The following SLC4A4 variants were observed in gnomAD, a reference collection of about 807,000 sequenced individuals.
SLC4A4 encodes solute carrier family 4 member 4.
A neutral mutation model predicts 111.5 loss-of-function variants in SLC4A4; 27 were observed. The ratio of observed to expected loss-of-function variants is 0.24; its 90% CI spans 0.18 to 0.33. The LOEUF is 0.33. SLC4A4 is among the 10% of genes least tolerant of loss of function. The pLI, the probability that SLC4A4 is intolerant of heterozygous loss-of-function variation, is 1.00. For missense variants in SLC4A4, 909 were observed against 1,315.5 expected (o/e 0.69, Z 4.78); for synonymous variants, 443 against 463.4 (o/e 0.96, Z 0.57).
chr4:71,397,480 T>A, intron 6 of SLC4A4, 97 bp from the exon 7 acceptor site: 1 of 1,076,798 alleles, frequency 9.3e-7, no homozygotes. Flanking sequence ...TCATCACCAT[T>A]TCCATCATCA....
At chr4:71,521,897 T>TA (rs1260129013) in intron 16 of SLC4A4, among the ~76,000 whole-genome samples, 2 of 152,176 alleles carry the variant, frequency 1.3e-5, no homozygotes, top group South Asian at 2.1e-4. Flanking sequence ...CCTTTACACT[T>TA]ACACTTCGAT....
chr4:71,064,627 T>C (rs1741468610), intron 1 of SLC4A4, among the ~76,000 whole-genome samples: 1 of 152,308 alleles, frequency 6.6e-6, no homozygotes, highest in East Asian at 1.9e-4. Context: ...GTAAGAAATA[T>C]GTCAGGACCT....
At chr4:71,145,943 T>C (rs1200009926) in intron 2 of SLC4A4, among the ~76,000 whole-genome samples, 4 of 152,266 alleles carry the variant, frequency 2.6e-5, no homozygotes, top group Middle Eastern at 3.4e-3. Context: ...GTGTCTCTAT[T>C]TCCTTCAGTT....
At chr4:71,144,035 G>A (rs1368682186) in intron 2 of SLC4A4, among the ~76,000 whole-genome samples, 1 of 152,174 alleles carries the variant, frequency 6.6e-6, no homozygotes, top group Non-Finnish European at 1.5e-5. Flanking sequence ...CCTATGTCCT[G>A]AATGGTATTG....
At chr4:71,117,189 G>A (rs1047945544) in intron 2 of SLC4A4, among the ~76,000 whole-genome samples, 57 of 152,006 alleles carry the variant, frequency 3.7e-4, no homozygotes, top group African/African-American at 1.3e-3. Flanking sequence ...GCTATGTTGT[G>A]CAGGCGGATC....
intron 16 of SLC4A4, among the ~76,000 whole-genome samples, chr4:71,522,786 CA>C (rs1385720329): frequency 6.6e-6 from 1 of 152,042 alleles, no homozygotes; most frequent in Non-Finnish European, 1.5e-5. Context: ...CACTAAATTC[CA>C]GGTAACATCA....
At chr4:71,365,317 C>T (rs897710572) in intron 6 of SLC4A4, among the ~76,000 whole-genome samples, 3 of 152,152 alleles carry the variant, frequency 2.0e-5, no homozygotes, top group African/African-American at 7.2e-5. Flanking sequence ...AGTAAATCTT[C>T]TTCCAAGGCT....
chr4:71,376,770 G>A (rs1732444579), intron 6 of SLC4A4, among the ~76,000 whole-genome samples: 1 of 151,970 alleles, frequency 6.6e-6, no homozygotes, highest in Admixed American at 6.6e-5. Context: ...CCAAGTAGCT[G>A]GGACTACATA....
intron 1 of SLC4A4, 114 bp from the exon 2 acceptor site, chr4:71,236,462 C>T: frequency 1.1e-6 from 1 of 939,258 alleles, no homozygotes; most frequent in South Asian, 1.4e-5. Context: ...AGTGACTCTG[C>T]CCTGCTAACA....
intron 1 of SLC4A4, among the ~76,000 whole-genome samples, chr4:71,089,103 C>T (rs1158216793): frequency 1.3e-5 from 2 of 152,068 alleles, no homozygotes; most frequent in African/African-American, 2.4e-5. Flanking sequence ...TTCTTCATTT[C>T]CTTTTATTCT....
intron 3 of SLC4A4, among the ~76,000 whole-genome samples, chr4:71,309,923 C>CT (rs1726004776): frequency 6.6e-6 from 1 of 151,914 alleles, no homozygotes; most frequent in Non-Finnish European, 1.5e-5. Context: ...TGCAAGGACT[C>CT]TAAGAACCTT....
intron 20 of SLC4A4, among the ~76,000 whole-genome samples, chr4:71,554,852 A>G (rs373248550): frequency 6.6e-6 from 1 of 151,706 alleles, no homozygotes; most frequent in African/African-American, 2.4e-5. Flanking sequence ...GGGAAACATA[A>G]CTTTTCCTCC....
intron 2 of SLC4A4, among the ~76,000 whole-genome samples, chr4:71,141,403 C>T (rs10518085): frequency 0.73 from 111,565 of 152,078 alleles, 42,690 homozygotes; most frequent in Admixed American, 0.84. Context: ...ACTATTCTTT[C>T]CCTCATTCAT....
At chr4:71,400,461 A>G (rs1376363144) in intron 7 of SLC4A4, among the ~76,000 whole-genome samples, 1 of 152,178 alleles carries the variant, frequency 6.6e-6, no homozygotes, top group African/African-American at 2.4e-5. Context: ...GGAAAATTTA[A>G]TTCAGGAATG....
chr4:71,422,023 C>G, intron 7 of SLC4A4, among the ~76,000 whole-genome samples: 1 of 151,648 alleles, frequency 6.6e-6, no homozygotes, highest in Non-Finnish European at 1.5e-5. Flanking sequence ...ACAAAAAACC[C>G]TTCAAAAAAT....
At chr4:71,208,997 C>CT (rs1220410547) in intron 1 of SLC4A4, among the ~76,000 whole-genome samples, 1 of 152,044 alleles carries the variant, frequency 6.6e-6, no homozygotes, top group Non-Finnish European at 1.5e-5. Context: ...TTTGGTTACG[C>CT]TAGAAACCTG....
chr4:71,240,180 T>C (rs1304063456), intron 2 of SLC4A4, among the ~76,000 whole-genome samples: 4 of 152,210 alleles, frequency 2.6e-5, no homozygotes, highest in Non-Finnish European at 5.9e-5. Flanking sequence ...GAAAATCCTA[T>C]GGATGTTTTA....
rs375863192 is a variant in SLC4A4, at chr4:71,546,623, G to A, written c.2621+95G>A. 49 of 1,017,210 alleles carry A rather than the reference G, an allele frequency of 4.8e-5. 1 individual carries two copies. The highest frequency in any genetic ancestry group is 4.8e-4 in the African/African-American group (30 of 62,928). 63.0% of individuals were successfully genotyped at this position (1,017,210 alleles called of 1,614,324 possible). A position where few individuals can be genotyped will look rare whatever the true frequency, so the allele number is the denominator to read the frequency against. On this transcript the variant is annotated intron_variant, in intron 19 of 25. Coordinates refer to ENST00000264485, the MANE Select transcript of SLC4A4 (RefSeq NM_001098484.3). ...ATATGGGCAGATTTGGAGGAGACAG[G>A]GCTTGTGATGATTAATTTATTCCTA...
chr4:71,403,544 A>G (rs1720561116), intron 7 of SLC4A4, among the ~76,000 whole-genome samples: 1 of 152,188 alleles, frequency 6.6e-6, no homozygotes, highest in East Asian at 1.9e-4. Flanking sequence ...AGGGTTAGCC[A>G]GTAAGGAGAG....
Sources: gnomAD v4.1 joint callset for allele counts (sites outside exome capture counted in the v4.1 genomes callset) on GRCh38, gnomAD v4.1.1 for gene constraint, MANE v1.5 for transcripts, NCBI Gene and HGNC (gene_info 2026-07-23, HGNC 2026-07-21) for gene names.